The following FOXO1 variants were observed in gnomAD, a reference collection of about 807,000 sequenced individuals.
FOXO1 encodes the protein forkhead box protein O1.
Under a neutral mutation model 44.1 loss-of-function variants are expected in FOXO1, and 6 were observed. The observed-to-expected ratio is 0.14, with a 90% CI of 0.07 to 0.27. The LOEUF (loss-of-function observed/expected upper bound fraction) is 0.27, where lower values mean the gene tolerates loss of function less well. FOXO1 is among the 10% of genes least tolerant of loss of function. The pLI is 1.00. For synonymous variants in FOXO1, 380 were observed against 362.7 expected (o/e 1.05, Z -0.54); for missense variants, 737 against 888.8 (o/e 0.83, Z 2.17).
intron 1 of FOXO1, among the ~76,000 whole-genome samples, chr13:40,654,480 G>T (rs947512783): frequency 2.8e-5 from 4 of 142,020 alleles, no homozygotes; most frequent in African/African-American, 1.1e-4. Context: ...CAGCCTGGGC[G>T]ACAGAGCGAG....
chr13:40,592,318 C>G (rs1472826913), intron 1 of FOXO1, among the ~76,000 whole-genome samples: 1 of 152,208 alleles, frequency 6.6e-6, no homozygotes, highest in Non-Finnish European at 1.5e-5. Context: ...TTCATCAAAA[C>G]TCAGGACAGA....
chr13:40,659,332 G>GAAAAA (rs1877962949), intron 1 of FOXO1, among the ~76,000 whole-genome samples: 1 of 100,908 alleles, frequency 9.9e-6, no homozygotes. Context: ...AAAAAAAAAA[G>GAAAAA]AAAAGAAAAG....
At chr13:40,662,030 G>A (rs1878051090) in intron 1 of FOXO1, among the ~76,000 whole-genome samples, 2 of 151,786 alleles carry the variant, frequency 1.3e-5, no homozygotes, top group Non-Finnish European at 2.9e-5. Flanking sequence ...AATTAGCCAA[G>A]CATGGTGGCA....
At chr13:40,595,449 T>C (rs1875542145) in intron 1 of FOXO1, among the ~76,000 whole-genome samples, 4 of 152,332 alleles carry the variant, frequency 2.6e-5, no homozygotes, top group African/African-American at 7.2e-5. Flanking sequence ...GTGATACTGA[T>C]GTCAATGGTC....
In FOXO1 at chr13:40,557,403, G is replaced by T. The variant is rs1873797979; in HGVS notation, c.*1646C>A. 1.3e-5 allele frequency: 2 copies of T among 152,214 alleles called. No individual in the cohort carries two copies. Among genetic ancestry groups the T allele is most frequent in the Admixed American group, 6.5e-5 (1 of 15,290 alleles). The allele number at this position is 152,214 out of a possible 1,614,324, so 9.4% of individuals were successfully genotyped here. On this transcript the variant is annotated 3_prime_UTR_variant, in exon 3 of 3. Transcript: ENST00000379561. ...ACAGTTTAGGTTGCTACAGGCTAAAGAAATTTTCAAATTCTTAAGCCAAGG... is the reference window on the plus strand; with the variant it reads ...ACAGTTTAGGTTGCTACAGGCTAAATAAATTTTCAAATTCTTAAGCCAAGG...
At chr13:40,649,430 G>T (rs1877608235) in intron 1 of FOXO1, among the ~76,000 whole-genome samples, 1 of 152,166 alleles carries the variant, frequency 6.6e-6, no homozygotes, top group African/African-American at 2.4e-5. Flanking sequence ...CAGAATTGAT[G>T]ACTTCTGTGG....
At chr13:40,593,671 AG>A (rs1456706206) in intron 1 of FOXO1, among the ~76,000 whole-genome samples, 4 of 152,364 alleles carry the variant, frequency 2.6e-5, no homozygotes, top group Non-Finnish European at 5.9e-5. Flanking sequence ...GAAAAAAAAT[AG>A]TTTTATTGTT....
At chr13:40,662,047 A>T (rs1878051974) in intron 1 of FOXO1, among the ~76,000 whole-genome samples, 1 of 151,456 alleles carries the variant, frequency 6.6e-6, no homozygotes, top group Non-Finnish European at 1.5e-5. Flanking sequence ...GGCACGTGCC[A>T]GTAGTCCCAG....
intron 1 of FOXO1, among the ~76,000 whole-genome samples, chr13:40,616,404 G>T (rs1268264443): frequency 1.3e-5 from 2 of 152,180 alleles, no homozygotes; most frequent in African/African-American, 4.8e-5. Context: ...GAAAAAATTT[G>T]AAAGACAAGA....
chr13:40,624,286 G>A (rs749859436), intron 1 of FOXO1, among the ~76,000 whole-genome samples: 17 of 129,784 alleles, frequency 1.3e-4, no homozygotes, highest in Non-Finnish European at 2.5e-4. Context: ...GGCCAGGAAT[G>A]TGATCAAAGC....
At chr13:40,650,120 G>A (rs1470360557) in intron 1 of FOXO1, among the ~76,000 whole-genome samples, 1 of 150,684 alleles carries the variant, frequency 6.6e-6, no homozygotes, top group Non-Finnish European at 1.5e-5. Flanking sequence ...CTAAACGAGG[G>A]GTGGATTATT....
chr13:40,651,557 T>A (rs1331804457), intron 1 of FOXO1, among the ~76,000 whole-genome samples: 1 of 152,094 alleles, frequency 6.6e-6, no homozygotes, highest in Non-Finnish European at 1.5e-5. Context: ...ATAAAACATT[T>A]TGATGACCTC....
intron 1 of FOXO1, among the ~76,000 whole-genome samples, chr13:40,577,052 T>G (rs1292201496): frequency 6.6e-6 from 1 of 152,200 alleles, no homozygotes; most frequent in Non-Finnish European, 1.5e-5. Flanking sequence ...AAAATACTCA[T>G]GCATTAGTCA....
chr13:40,590,461 C>T (rs891229958), intron 1 of FOXO1, among the ~76,000 whole-genome samples: 2 of 152,192 alleles, frequency 1.3e-5, no homozygotes, highest in East Asian at 1.9e-4. Flanking sequence ...GCCCCTCTTG[C>T]GGAGTTACAG....
In FOXO1 at chr13:40,598,676, T is replaced by C. The variant is rs201624080; in HGVS notation, c.631-37816A>G. ...TTTGCCCTTCCTAATGTCCCATCTC[T>C]GAACCTGAATACACCCCCAGCTCTG... On this transcript the variant is annotated intron_variant, in intron 1 of 2. Coordinates refer to ENST00000379561, the MANE Select transcript of FOXO1 (RefSeq NM_002015.4). 3.1e-3 allele frequency among the ~76,000 whole-genome samples: 474 copies of C among 152,334 alleles called. 7 individuals carry two copies. Among genetic ancestry groups the C allele is most frequent in the African/African-American group, 0.011 (461 of 41,586 alleles).
chr13:40,616,597 G>A (rs1040001498), intron 1 of FOXO1, among the ~76,000 whole-genome samples: 9 of 152,202 alleles, frequency 5.9e-5, no homozygotes, highest in African/African-American at 1.7e-4. Context: ...AGCGGGAGTG[G>A]CCTGAAAAGG....
At chr13:40,599,562 A>C (rs749836876) in intron 1 of FOXO1, among the ~76,000 whole-genome samples, 20 of 152,210 alleles carry the variant, frequency 1.3e-4, no homozygotes, top group Non-Finnish European at 2.5e-4. Context: ...TTGTTTATTG[A>C]AATTTATACA....
chr13:40,614,343 G>T (rs1876339410), intron 1 of FOXO1, among the ~76,000 whole-genome samples: 1 of 152,180 alleles, frequency 6.6e-6, no homozygotes, highest in Non-Finnish European at 1.5e-5. Flanking sequence ...CAAGAGCACT[G>T]CAGGGAATAG....
intron 1 of FOXO1, among the ~76,000 whole-genome samples, chr13:40,635,686 C>G (rs1877122831): frequency 6.6e-6 from 1 of 152,210 alleles, no homozygotes; most frequent in Non-Finnish European, 1.5e-5. Flanking sequence ...CACCTCTAAT[C>G]ACTGCCCTCT....
Sources: gnomAD v4.1 joint callset for allele counts (sites outside exome capture counted in the v4.1 genomes callset) on GRCh38, gnomAD v4.1.1 for gene constraint, MANE v1.5 for transcripts, NCBI Gene and HGNC (gene_info 2026-07-23, HGNC 2026-07-21) for gene names.